The following CDH22 variants were observed in gnomAD, a reference collection of about 807,000 sequenced individuals.
The protein encoded by CDH22 is cadherin 22.
CDH22 carries 30 observed loss-of-function variants against 58.4 expected under a neutral mutation model. That is an observed-to-expected ratio of 0.51 (90% CI 0.38 to 0.70). CDH22 has a LOEUF of 0.70. CDH22 is among the 30% of genes least tolerant of loss of function. The pLI is 0.00. For missense variants in CDH22, 1,014 were observed against 1,233.9 expected, an observed-to-expected ratio of 0.82 and a Z score of 2.67; for synonymous variants, 513 against 558.2, an observed-to-expected ratio of 0.92 and a Z score of 1.14.
At chr20:46,201,694 G>T (rs2085962499) in intron 7 of CDH22, among the ~76,000 whole-genome samples, 1 of 152,158 alleles carries the variant, frequency 6.6e-6, no homozygotes, top group African/African-American at 2.4e-5. Context: ...GTGCCTATGG[G>T]TGTAGTGGGC....
At position 46,216,242 on chromosome 20, in the gene CDH22, C is replaced by T. The variant is rs985867687; in HGVS notation, c.838+584G>A. ...TGGGCCGGAGACATCCCCCAACCCCCGCTGTGCCAGCAGAGGCAGAGGGTG... is the reference window on the plus strand; with the variant it reads ...TGGGCCGGAGACATCCCCCAACCCCTGCTGTGCCAGCAGAGGCAGAGGGTG... On this transcript the variant is annotated intron_variant, in intron 5 of 11. Transcript: ENST00000537909. The surrounding 1 kb of genome is among the most constrained non-coding windows in gnomAD (Gnocchi z 5.3). Among the ~76,000 whole-genome samples the T allele has an allele frequency of 2.2e-4, 34 of 152,220 alleles. No individual in the cohort carries two copies. Among genetic ancestry groups the T allele is most frequent in the African/African-American group, 3.4e-4 (14 of 41,456 alleles).
At position 46,174,360 on chromosome 20, in the gene CDH22, C is replaced by T. The variant is rs571611226; in HGVS notation, c.*146G>A. The T allele has an allele frequency of 1.2e-5, 7 of 581,322 alleles. No homozygotes were observed. In the South Asian group the frequency reaches 1.6e-4, roughly 13 times the overall value. 36.0% of individuals were successfully genotyped at this position (581,322 alleles called of 1,614,324 possible). ...AGAGGAGGAGGAATGGAAGAGTCCG[C>T]TCCTAGCAAGTCCCCCCTCCGTCCA... On this transcript the variant is annotated 3_prime_UTR_variant, in exon 12 of 12. Transcript: ENST00000537909. This position sits in a 1 kb window ranked among gnomAD's most constrained non-coding sequence, Gnocchi z 4.4.
chr20:46,188,223 CT>C (rs2085840259), intron 8 of CDH22, among the ~76,000 whole-genome samples: 1 of 152,192 alleles, frequency 6.6e-6, no homozygotes, highest in Non-Finnish European at 1.5e-5. Flanking sequence ...GGGTAAGACC[CT>C]GCCTTCTCTG....
At chr20:46,303,635 C>G (rs570792170) in intron 1 of CDH22, among the ~76,000 whole-genome samples, 1 of 152,026 alleles carries the variant, frequency 6.6e-6, no homozygotes, top group African/African-American at 2.4e-5. Flanking sequence ...GGAAGAGGTG[C>G]TATTTGGGTT....
chr20:46,181,157 G>A (rs949381060), intron 10 of CDH22, among the ~76,000 whole-genome samples: 2 of 152,118 alleles, frequency 1.3e-5, no homozygotes, highest in African/African-American at 2.4e-5. Context: ...AGCTACACCA[G>A]CTCGCTGCTG....
chr20:46,180,611 C>T (rs907104946), intron 10 of CDH22, among the ~76,000 whole-genome samples: 7 of 152,178 alleles, frequency 4.6e-5, no homozygotes, highest in African/African-American at 1.4e-4. Flanking sequence ...GTTTAATCCT[C>T]ATAACCTGTT....
chr20:46,186,157 C>T (rs940812971), intron 10 of CDH22, among the ~76,000 whole-genome samples: 2 of 143,542 alleles, frequency 1.4e-5, no homozygotes, highest in South Asian at 4.4e-4. Context: ...GAGGTTGCAA[C>T]GAGCCACTGC....
chr20:46,271,531 A>G (rs1051393428), intron 1 of CDH22, among the ~76,000 whole-genome samples: 2 of 151,866 alleles, frequency 1.3e-5, no homozygotes, highest in Non-Finnish European at 2.9e-5. Context: ...CATACTCACT[A>G]TCTCCTTTAC....
chr20:46,222,455 G>A (rs1233022762), intron 4 of CDH22, among the ~76,000 whole-genome samples: 1 of 152,232 alleles, frequency 6.6e-6, no homozygotes, highest in African/African-American at 2.4e-5. Context: ...CACTTAGAAG[G>A]TGCTCAACAA....
At chr20:46,234,611 G>T (rs187378196) in intron 3 of CDH22, among the ~76,000 whole-genome samples, 2 of 152,180 alleles carry the variant, frequency 1.3e-5, no homozygotes, top group African/African-American at 4.8e-5. Context: ...AAAAGTGCCC[G>T]TTTCCACATT....
chr20:46,252,547 T>C (rs2086384405), intron 1 of CDH22, among the ~76,000 whole-genome samples: 1 of 152,212 alleles, frequency 6.6e-6, no homozygotes, highest in East Asian at 1.9e-4. Context: ...AATGGCTTAA[T>C]GTGGGTGTTT....
chr20:46,246,246 G>T (rs1024684288), intron 2 of CDH22, among the ~76,000 whole-genome samples: 30 of 152,128 alleles, frequency 2.0e-4, no homozygotes, highest in Non-Finnish European at 4.1e-4. Flanking sequence ...AAGCCTCCCC[G>T]GGATGAGGGG....
At chr20:46,250,068 A>G (rs1429100492) in intron 2 of CDH22, among the ~76,000 whole-genome samples, 2 of 152,092 alleles carry the variant, frequency 1.3e-5, no homozygotes, top group African/African-American at 4.8e-5. Context: ...TTTTCTCCCC[A>G]GCATCACACA....
chr20:46,307,136 G>A (rs368285041), intron 1 of CDH22, among the ~76,000 whole-genome samples: 2 of 152,336 alleles, frequency 1.3e-5, no homozygotes, highest in Non-Finnish European at 2.9e-5. Flanking sequence ...CAACCCTGGC[G>A]ACGCCCGAAG....
chr20:46,219,263 A>G (rs2086107981), intron 4 of CDH22, among the ~76,000 whole-genome samples: 1 of 152,042 alleles, frequency 6.6e-6, no homozygotes, highest in Non-Finnish European at 1.5e-5. Context: ...CTTCTCTACC[A>G]CCACTGGTCT....
At position 46,216,961 on chromosome 20, in the gene CDH22, G is replaced by A. The variant is rs748074243; in HGVS notation, c.703C>T (p.Arg235Cys). Residue 235 changes from arginine (R) to cysteine (C), a missense_variant, in exon 5 of 12, where the codon CGC becomes TGC. Around this residue, in one of 2 missense-constraint regions of CDH22, gnomAD observed 806 missense variants for 1,038.7 expected, o/e 0.78. Transcript: ENST00000537909. This position sits in a 1 kb window ranked among gnomAD's most constrained non-coding sequence, Gnocchi z 5.3. The part of the protein sequence containing the change: ...VIRTAVPDLD[R>C]ESQERYEVVI... ...ACCTCGTAGCGCTCCTGGCTCTCGC[G>A]GTCAAGGTCAGGCACAGCCGTCCGG... The A allele has an allele frequency of 3.1e-6, 5 of 1,603,050 alleles. No homozygotes were observed. The highest frequency in any genetic ancestry group is 1.7e-5 in the Admixed American group (1 of 59,850).
At chr20:46,181,752 C>CTTCGTTCCTTCCTTCTTTCTTTCTTTCT in intron 10 of CDH22, among the ~76,000 whole-genome samples, 17 of 26,258 alleles carry the variant, frequency 6.5e-4, no homozygotes, top group South Asian at 2.8e-3. Context: ...TCCTTCCTTC[C>CTTCGTTCCTTCCTTCTTTCTTTCTTTCT]TTCTTTCTTT....
At position 46,241,304 on chromosome 20, in the gene CDH22, C is replaced by G. The variant is rs761518469; in HGVS notation, c.256-47G>C. The G allele has an allele frequency of 4.7e-6, 7 of 1,494,442 alleles. No homozygotes were observed. The highest frequency in any genetic ancestry group is 3.6e-6 in the Non-Finnish European group (4 of 1,107,084). 92.6% of individuals were successfully genotyped at this position (1,494,442 alleles called of 1,614,324 possible). ...CAAGGTGGAGGCTGAGAAGGAAGCT[C>G]CTCTTGGCCTCACTGTCTCATGCCA... On this transcript the variant is annotated intron_variant, in intron 2 of 11. Transcript: ENST00000537909. This position sits in a 1 kb window ranked among gnomAD's most constrained non-coding sequence, Gnocchi z 5.2.
At chr20:46,248,402 C>T (rs1440452433) in intron 2 of CDH22, among the ~76,000 whole-genome samples, 1 of 152,200 alleles carries the variant, frequency 6.6e-6, no homozygotes, top group Non-Finnish European at 1.5e-5. Context: ...GCAGATGCAT[C>T]AGTCCTTCCC....
Sources: allele counts gnomAD v4.1 joint callset (sites outside exome capture counted in the v4.1 genomes callset), GRCh38; gene constraint gnomAD v4.1.1; regional missense constraint gnomAD v4.1.1; non-coding constraint Gnocchi (gnomAD v3.1); transcripts MANE v1.5; gene names NCBI Gene and HGNC (gene_info 2026-07-23, HGNC 2026-07-21).